Variants in PITPNC1 observed in about 807,000 individuals in gnomAD.
The protein encoded by PITPNC1 is cytoplasmic phosphatidylinositol transfer protein 1.
In PITPNC1, 18 loss-of-function variants were observed where a neutral mutation model predicts 44.7. The ratio of observed to expected loss-of-function variants is 0.40; its 90% confidence interval spans 0.28 to 0.60. PITPNC1 has a LOEUF of 0.60. Among genes scored for constraint, PITPNC1 ranks in the 20% least tolerant of loss-of-function variants. The pLI is 0.39. For missense variants in PITPNC1, 290 were observed against 418.4 expected (o/e 0.69, Z 2.68); for synonymous variants, 141 against 149.6 (o/e 0.94, Z 0.42).
intron 8 of PITPNC1, among the ~76,000 whole-genome samples, chr17:67,686,670 T>C (rs924409081): frequency 4.6e-5 from 7 of 152,138 alleles, no homozygotes; most frequent in African/African-American, 1.2e-4. Context: ...AACCTCTAAA[T>C]CTATTTTGAA....
chr17:67,583,882 TGTGTGTGTGTGTGTTTGTG>T (rs2144242792), intron 5 of PITPNC1, among the ~76,000 whole-genome samples: 1 of 135,046 alleles, frequency 7.4e-6, no homozygotes, highest in Admixed American at 7.5e-5. Context: ...TGTGTGTGTG[TGTGTGTGTGTGTGTTTGTG>T]TGTGTGTGTG....
At chr17:67,436,531 G>A (rs944935829) in intron 1 of PITPNC1, among the ~76,000 whole-genome samples, 1 of 152,036 alleles carries the variant, frequency 6.6e-6, no homozygotes, top group African/African-American at 2.4e-5. Context: ...GGAGGGTGAT[G>A]GAACGAACGT....
intron 4 of PITPNC1, among the ~76,000 whole-genome samples, chr17:67,555,841 C>T (rs1272508081): frequency 6.6e-6 from 1 of 151,988 alleles, no homozygotes; most frequent in Non-Finnish European, 1.5e-5. Flanking sequence ...GAGAGTCCAT[C>T]TCAAAAATAA....
chr17:67,412,890 T>C (rs1043952728), intron 1 of PITPNC1, among the ~76,000 whole-genome samples: 2 of 152,216 alleles, frequency 1.3e-5, no homozygotes, highest in African/African-American at 4.8e-5. Flanking sequence ...TATACTTAAC[T>C]TCCTTTTTCC....
intron 1 of PITPNC1, among the ~76,000 whole-genome samples, chr17:67,455,721 C>G (rs112412874): frequency 0.019 from 2,873 of 152,058 alleles, 103 homozygotes; most frequent in African/African-American, 0.066. Flanking sequence ...GGATTACAGA[C>G]GTGAGCCACC....
intron 1 of PITPNC1, among the ~76,000 whole-genome samples, chr17:67,471,775 A>G (rs1054133953): frequency 6.6e-6 from 1 of 151,970 alleles, no homozygotes; most frequent in African/African-American, 2.4e-5. Context: ...AAACTCAAAA[A>G]TTAACATGGG....
chr17:67,599,034 A>ATATATATATATATAT (rs1461493250), intron 5 of PITPNC1, among the ~76,000 whole-genome samples: 7 of 35,664 alleles, frequency 2.0e-4, no homozygotes, highest in Non-Finnish European at 3.0e-4. Flanking sequence ...ATATATATAT[A>ATATATATATATATAT]TTTTTTTTTT....
At chr17:67,671,186 G>A (rs1232479739) in intron 7 of PITPNC1, among the ~76,000 whole-genome samples, 2 of 151,958 alleles carry the variant, frequency 1.3e-5, no homozygotes, top group Admixed American at 6.6e-5. Context: ...GTGCCCGGCC[G>A]GCATGTTCAT....
At chr17:67,684,113 ATT>A (rs35849301) in intron 8 of PITPNC1, among the ~76,000 whole-genome samples, 1 of 135,864 alleles carries the variant, frequency 7.4e-6, no homozygotes, top group Admixed American at 7.5e-5. Context: ...AAAATAACAA[ATT>A]TTTTTTTTTT....
At chr17:67,555,592 C>T (rs936293800) in intron 4 of PITPNC1, among the ~76,000 whole-genome samples, 2 of 150,330 alleles carry the variant, frequency 1.3e-5, no homozygotes, top group Non-Finnish European at 2.9e-5. Flanking sequence ...TTTGGGAGGC[C>T]GAGGCAGGTG....
chr17:67,507,152 A>G (rs1468907845), intron 1 of PITPNC1, among the ~76,000 whole-genome samples: 4 of 152,180 alleles, frequency 2.6e-5, no homozygotes, highest in South Asian at 2.1e-4. Flanking sequence ...ATGGAAGAGT[A>G]AAATATTCAT....
intron 1 of PITPNC1, among the ~76,000 whole-genome samples, chr17:67,425,573 G>T (rs1354396487): frequency 6.7e-6 from 1 of 149,058 alleles, no homozygotes; most frequent in Non-Finnish European, 1.5e-5. Context: ...CCGGGCTGGA[G>T]TGCAGTGGCG....
intron 4 of PITPNC1, among the ~76,000 whole-genome samples, chr17:67,568,093 A>G (rs940888421): frequency 1.1e-4 from 16 of 152,240 alleles, no homozygotes; most frequent in African/African-American, 3.6e-4. Flanking sequence ...GCCAAAAAAT[A>G]GAAACAAATG....
At chr17:67,427,965 A>G (rs1253707023) in intron 1 of PITPNC1, among the ~76,000 whole-genome samples, 2 of 152,062 alleles carry the variant, frequency 1.3e-5, no homozygotes, top group Admixed American at 6.6e-5. Context: ...GTCCTTGACG[A>G]TCAGTCTTCT....
At chr17:67,452,346 C>T (rs1237532849) in intron 1 of PITPNC1, among the ~76,000 whole-genome samples, 3 of 151,588 alleles carry the variant, frequency 2.0e-5, no homozygotes, top group African/African-American at 7.3e-5. Context: ...AATAGCATTC[C>T]ATTATAGGGA....
intron 1 of PITPNC1, among the ~76,000 whole-genome samples, chr17:67,387,539 G>A (rs1282992345): frequency 2.0e-5 from 3 of 152,098 alleles, no homozygotes; most frequent in South Asian, 4.1e-4. Flanking sequence ...GGTGGTGGGC[G>A]CCTGTAATCC....
In PITPNC1 at chr17:67,623,109, CAAA is replaced by C. The variant is rs1198070826; in HGVS notation, c.367-9013_367-9011del. Reference sequence around the variant, plus strand: ...CTTCCTCCAGCGAGCTCCCAAAAGCCAAAAAAAAAAAAAAAAAAAAAAAGTTAT... The same window carrying C: ...CTTCCTCCAGCGAGCTCCCAAAAGCCAAAAAAAAAAAAAAAAAAAAGTTAT... On this transcript the variant is annotated intron_variant, in intron 5 of 8. Coordinates refer to ENST00000581322, the MANE Select transcript of PITPNC1 (RefSeq NM_012417.4). Among the ~76,000 whole-genome samples the C allele has an allele frequency of 2.6e-4, 22 of 85,302 alleles. No individual in the cohort carries two copies. In the South Asian group the frequency reaches 4.9e-3, roughly 19 times the overall value. 56.0% of individuals were successfully genotyped at this position (85,302 alleles called of 152,430 possible). A position where few individuals can be genotyped will look rare whatever the true frequency, so the allele number is the denominator to read the frequency against.
chr17:67,386,099 C>T (rs1311846770), intron 1 of PITPNC1, among the ~76,000 whole-genome samples: 1 of 152,140 alleles, frequency 6.6e-6, no homozygotes, highest in East Asian at 1.9e-4. Context: ...GTGACTGATA[C>T]TCCAAAGCAA....
At chr17:67,452,602 C>T (rs1258656244) in intron 1 of PITPNC1, among the ~76,000 whole-genome samples, 1 of 149,796 alleles carries the variant, frequency 6.7e-6, no homozygotes, top group African/African-American at 2.5e-5. Context: ...AAGTGATTCA[C>T]CTGCCTCAGC....
Sources: allele counts gnomAD v4.1 joint callset (sites outside exome capture counted in the v4.1 genomes callset), GRCh38; gene constraint gnomAD v4.1.1; transcripts MANE v1.5; gene names NCBI Gene and HGNC (gene_info 2026-07-23, HGNC 2026-07-21).